ZNF224: variants seen among roughly 807,000 people sequenced by gnomAD.
The protein encoded by ZNF224 is zinc finger protein 224.
Under a neutral mutation model 10.5 loss-of-function variants are expected in ZNF224, and 8 were observed. The observed-to-expected ratio is 0.76, with a 90% confidence interval of 0.45 to 1.37. The LOEUF (loss-of-function observed/expected upper bound fraction) is 1.37. Ranked by LOEUF, ZNF224 falls within the 40% of genes most tolerant of loss-of-function variation. ZNF224 has a pLI of 0.00. For synonymous variants in ZNF224, 282 were observed against 287.8 expected, an observed-to-expected ratio of 0.98 and a Z score of 0.20; for missense variants, 754 against 854.0, an observed-to-expected ratio of 0.88 and a Z score of 1.46.
intron 3 of ZNF224, among the ~76,000 whole-genome samples, chr19:44,099,682 A>G (rs191797679): frequency 1.6e-3 from 244 of 151,720 alleles, no homozygotes; most frequent in African/African-American, 5.5e-3. Context: ...GCAAGACTCT[A>G]TCTCTACAAA....
In ZNF224 at chr19:44,107,973, T is replaced by C. The variant is rs1250206102; in HGVS notation, c.1813T>C (p.Phe605Leu). ...CAAATGTGATGAGTGTGGGAAGGGC[T>C]TCAGCTGGTCCTCAACTCGTCTGAC... ...PYKCDECGKG[F>L]SWSSTRLTHQ... Residue 605 changes from phenylalanine to leucine, a missense_variant, in exon 6 of 6, where the codon TTC (phenylalanine) becomes CTC (leucine). Phe to Leu is a conservative substitution (Grantham distance 22). Transcript: ENST00000693561. 2.5e-6 allele frequency: 4 copies of C among 1,614,102 alleles called. No homozygotes were observed. Among genetic ancestry groups the C allele is most frequent in the Non-Finnish European group, 3.4e-6 (4 of 1,180,040 alleles).
In ZNF224 at chr19:44,107,204, G is replaced by C; in HGVS notation, c.1044G>C (p.Glu348Asp). Reference sequence around the variant, plus strand: ...GAGAGAAACCATACAAATGTGAGGAGTGTGGAAAAGGCTTTATTTGTAGGC... The same window carrying C: ...GAGAGAAACCATACAAATGTGAGGACTGTGGAAAAGGCTTTATTTGTAGGC... ...HTGEKPYKCE[E>D]CGKGFICRRD... The change falls in exon 6 of 6, where the codon GAG becomes GAC. Residue 348 changes from glutamate (E) to aspartate (D), a missense_variant. By Grantham distance (45) the Glu-to-Asp change is conservative (BLOSUM62 2). Coordinates refer to ENST00000693561, the MANE Select transcript of ZNF224 (RefSeq NM_001321645.3). The C allele has an allele frequency of 6.2e-7, 1 of 1,604,482 alleles. No individual in the cohort carries two copies. The highest frequency in any genetic ancestry group is 8.5e-7 in the Non-Finnish European group (1 of 1,175,118).
chr19:44,101,389 A>G lies in ZNF224; in HGVS notation c.235+164A>G, dbSNP rs535775555. Among the ~76,000 whole-genome samples, 29 of 152,326 alleles carry G rather than the reference A, an allele frequency of 1.9e-4. No homozygotes were observed. In the South Asian group the frequency reaches 5.6e-3, roughly 29 times the overall value. On this transcript the variant is annotated intron_variant, in intron 5 of 5. Transcript: ENST00000693561. ...CTGCCACCCGCCTTCACATCCTGAC[A>G]TCTGTTCTCATAGCAGCCAAAGTGA...
intron 3 of ZNF224, among the ~76,000 whole-genome samples, chr19:44,098,536 T>A (rs1967486546): frequency 6.6e-6 from 1 of 152,196 alleles, no homozygotes; most frequent in African/African-American, 2.4e-5. Flanking sequence ...TACTGGCCTT[T>A]CTTTACTCCT....
At chr19:44,101,372 C>T (rs1967547520) in intron 5 of ZNF224, 147 bp downstream of exon 5, 12 of 729,466 alleles carry the variant, frequency 1.6e-5, no homozygotes, top group South Asian at 5.6e-5. Context: ...CCCTGCCACC[C>T]GCCTTCACAT....
intron 1 of ZNF224, chr19:44,095,271 C>G (rs1399802125): frequency 5.8e-6 from 1 of 171,186 alleles, no homozygotes; most frequent in African/African-American, 2.4e-5. Context: ...TAACTTCATT[C>G]TAAGGGCTTT....
chr19:44,103,240 C>T (rs1967584056), intron 5 of ZNF224, among the ~76,000 whole-genome samples: 1 of 152,168 alleles, frequency 6.6e-6, no homozygotes, highest in Non-Finnish European at 1.5e-5. Flanking sequence ...CCCCAAAAAC[C>T]TCTTAAGTAA....
chr19:44,104,366 C>T (rs1032204695), intron 5 of ZNF224, among the ~76,000 whole-genome samples: 6 of 152,180 alleles, frequency 3.9e-5, no homozygotes, highest in African/African-American at 9.7e-5. Context: ...TACAGAAGAT[C>T]GCTCTCACTT....
chr19:44,098,735 C>T (rs145775166), intron 3 of ZNF224, among the ~76,000 whole-genome samples: 1,638 of 152,252 alleles, frequency 0.011, 12 homozygotes, highest in Middle Eastern at 0.02. Context: ...AGGCATGCGT[C>T]ACCATGCCTA....
chr19:44,101,364 C>G (rs747112029), intron 5 of ZNF224, 139 bp downstream of exon 5: 9 of 790,136 alleles, frequency 1.1e-5, no homozygotes, highest in African/African-American at 1.7e-5. Context: ...CCTGGTGGCC[C>G]TGCCACCCGC....
At chr19:44,103,109 CA>C (rs1967581951) in intron 5 of ZNF224, among the ~76,000 whole-genome samples, 2 of 152,296 alleles carry the variant, frequency 1.3e-5, no homozygotes, top group Admixed American at 1.3e-4. Flanking sequence ...ACAGATTTTA[CA>C]ACATAATTTT....
rs1967715705 is a variant in ZNF224 at position 44,107,606 on chromosome 19, A to G, written c.1446A>G (p.Lys482=). 1.2e-6 allele frequency: 2 copies of G among 1,613,448 alleles called. No individual in the cohort carries two copies. The highest frequency in any genetic ancestry group is 1.1e-5 in the South Asian group (1 of 91,026). ...ATGAGAGACTCCACAGTGGAGAAAA[A>G]CCATTCCAATGTGAAGAGTGTGGGA... The part of the protein sequence containing the change: ...LKHERLHSGE[K]PFQCEECGKR... Residue 482 remains lysine (K), a synonymous_variant, in exon 6 of 6, where the codon AAA becomes AAG. Coordinates refer to ENST00000693561, the MANE Select transcript of ZNF224 (RefSeq NM_001321645.3).
Position 44,106,498 on chromosome 19 carries a change from G to C in ZNF224, c.338G>C (p.Arg113Thr). The C allele has an allele frequency of 6.2e-7, 1 of 1,614,140 alleles. No homozygotes were observed. Among genetic ancestry groups the C allele is most frequent in the African/African-American group, 1.3e-5 (1 of 75,050 alleles). ...GAAAAAATTGCAAGTGATTTAACCA[G>C]GTCTCAAGACTTGATGATAAATAGC... ...IWEKIASDLT[R>T]SQDLMINSSQ... Residue 113 changes from arginine to threonine, a missense_variant, in exon 6 of 6, where the codon AGG becomes ACG. Transcript: ENST00000693561.
intron 5 of ZNF224, among the ~76,000 whole-genome samples, chr19:44,102,705 C>T (rs1967574462): frequency 1.3e-5 from 2 of 152,304 alleles, no homozygotes; most frequent in South Asian, 2.1e-4. Flanking sequence ...TATATGCCTT[C>T]CATATGACTT....
Position 44,109,201 on chromosome 19 carries a change from C to T in ZNF224, c.*917C>T, listed in dbSNP as rs536399194. ...TATTAAGGCAAGATTTACAGTAACA[C>T]TTTTAAAGTGCCAGATGTACATTGA... On this transcript the variant is annotated 3_prime_UTR_variant, in exon 6 of 6. Coordinates refer to ENST00000693561, the MANE Select transcript of ZNF224 (RefSeq NM_001321645.3). The T allele has an allele frequency of 3.9e-5, 6 of 153,098 alleles. No homozygotes were observed. Among genetic ancestry groups the T allele is most frequent in the African/African-American group, 1.4e-4 (6 of 41,574 alleles). The allele number at this position is 153,098 out of a possible 1,614,324, so 9.5% of individuals were successfully genotyped here.
At chr19:44,095,462 C>T (rs4459653) in intron 1 of ZNF224, 114,732 of 152,078 alleles carry the variant, frequency 0.75, 43,981 homozygotes, top group Non-Finnish European at 0.83. Context: ...TACGTTGTCA[C>T]TGAGGCAGAG....
At position 44,108,217 on chromosome 19, in the gene ZNF224, A is replaced by G. The variant is rs577703786; in HGVS notation, c.2057A>G (p.Asp686Gly). The change falls in exon 6 of 6, where the codon GAT becomes GGT. Residue 686 changes from aspartate to glycine, a missense_variant. By Grantham distance (94) the Asp-to-Gly change is moderately conservative. Transcript: ENST00000693561. ...GEKTWKCREC[D>G]MCFSQASSLR... Reference sequence around the variant, plus strand: ...AAAACATGGAAGTGTAGGGAGTGTGATATGTGCTTTAGTCAGGCCTCAAGC... The same window carrying G: ...AAAACATGGAAGTGTAGGGAGTGTGGTATGTGCTTTAGTCAGGCCTCAAGC... 1.2e-6 allele frequency: 2 copies of G among 1,614,056 alleles called. No homozygotes were observed. The highest frequency in any genetic ancestry group is 1.3e-5 in the African/African-American group (1 of 75,016).
chr19:44,096,321 T>G (rs1245957703), intron 1 of ZNF224, 22 bp from the exon 2 acceptor site: 1 of 152,216 alleles, frequency 6.6e-6, no homozygotes, highest in Non-Finnish European at 1.5e-5. Flanking sequence ...TTTTTCCTGT[T>G]TGTTTTGTTG....
chr19:44,101,084 A>G (rs1161245083), intron 4 of ZNF224, 49 bp from the exon 5 acceptor site: 1 of 1,611,716 alleles, frequency 6.2e-7, no homozygotes, highest in South Asian at 1.1e-5. Context: ...TTACCTTGAT[A>G]TTACCTAGAA....
Sources: gnomAD v4.1 joint callset for allele counts (sites outside exome capture counted in the v4.1 genomes callset) on GRCh38, gnomAD v4.1.1 for gene constraint, MANE v1.5 for transcripts, NCBI Gene and HGNC (gene_info 2026-07-23, HGNC 2026-07-21) for gene names.